Variants in PDGFRB observed in about 807,000 individuals in gnomAD.
PDGFRB encodes platelet-derived growth factor receptor beta.
PDGFRB carries 42 observed loss-of-function variants against 120.2 expected under a neutral mutation model. The observed-to-expected ratio is 0.35, with a 90% CI of 0.27 to 0.45. The LOEUF (loss-of-function observed/expected upper bound fraction) is 0.45, where lower values mean the gene tolerates loss of function less well. PDGFRB is among the 20% of genes least tolerant of loss of function. The pLI is 1.00. For missense variants in PDGFRB, 1,149 were observed against 1,476.3 expected (o/e 0.78, Z 3.63); for synonymous variants, 586 against 606.8 (o/e 0.97, Z 0.50).
At chr5:150,142,190 G>C (rs1192710731) in intron 1 of PDGFRB, among the ~76,000 whole-genome samples, 1 of 152,126 alleles carries the variant, frequency 6.6e-6, no homozygotes, top group East Asian at 1.9e-4. Context: ...AAAGCAAGAG[G>C]GCCCATTGTT....
intron 2 of PDGFRB, 90 bp downstream of exon 2, chr5:150,136,918 G>GCCCTGCCACCAGCACACATCAC (rs1287662400): frequency 1.4e-5 from 14 of 1,002,188 alleles, no homozygotes; most frequent in Non-Finnish European, 2.2e-5. Context: ...GGTGCTTCAC[G>GCCCTGCCACCAGCACACATCAC]CCCTGCCACC....
In PDGFRB at chr5:150,132,106, GA is replaced by G; in HGVS notation, c.1128-13del. ...GCTCTGACACATACCTGGGGAGCAG[GA>G]AAGGCAGCTGTCAGAGTCGGAAGGA... On this transcript the variant is annotated splice_polypyrimidine_tract_variant and intron_variant, in intron 7 of 22. Transcript: ENST00000261799. This position sits in a 1 kb window ranked among gnomAD's most constrained non-coding sequence, Gnocchi z 5.0. 6.9e-7 allele frequency: 1 copy of G among 1,447,722 alleles called. No homozygotes were observed. The highest frequency in any genetic ancestry group is 9.7e-7 in the Non-Finnish European group (1 of 1,028,650). The allele number at this position is 1,447,722 out of a possible 1,614,324, so 89.7% of individuals were successfully genotyped here.
At chr5:150,117,556 A>C in intron 22 of PDGFRB, 62 bp downstream of exon 22, 3 of 891,222 alleles carry the variant, frequency 3.4e-6, no homozygotes, top group Non-Finnish European at 5.4e-6. Flanking sequence ...ACACACACAC[A>C]CACACACACA....
At position 150,125,259 on chromosome 5, in the gene PDGFRB, T is replaced by C. The variant is rs3733677; in HGVS notation, c.1807+186A>G. On this transcript the variant is annotated intron_variant, in intron 12 of 22. Transcript: ENST00000261799. ...GGGTCACAGGATCATAGAACCTCAA[T>C]GCTAGGCAGTTCCTGGGGGATGGTC... 0.029 allele frequency among the ~76,000 whole-genome samples: 4,338 copies of C among 152,190 alleles called. 190 individuals are homozygous for C. The highest frequency in any genetic ancestry group is 0.21 in the East Asian group (1,090 of 5,156).
At chr5:150,124,191 G>T in intron 14 of PDGFRB, 59 bp downstream of exon 14, 1 of 1,170,230 alleles carries the variant, frequency 8.5e-7, no homozygotes, top group Non-Finnish European at 1.3e-6. Flanking sequence ...GGGGTAGGCG[G>T]GGCCTGGCCT....
chr5:150,127,495 G>C (rs988275462), intron 10 of PDGFRB, among the ~76,000 whole-genome samples: 1 of 152,134 alleles, frequency 6.6e-6, no homozygotes, highest in Non-Finnish European at 1.5e-5. Context: ...TAGGTAGCTG[G>C]TACTATTTGT....
intron 9 of PDGFRB, 34 bp downstream of exon 9, chr5:150,130,505 G>A (rs1760432749): frequency 2.5e-6 from 4 of 1,603,122 alleles, no homozygotes; most frequent in Non-Finnish European, 1.7e-6. Flanking sequence ...AGCCAGCTGG[G>A]GACACTGGGA....
rs367736795 is a variant in PDGFRB, at chr5:150,143,828, TGGA to T, written c.-6-6778_-6-6776del. ...CTATGCTCGCTCCACTTCCAGTTGT[TGGA>T]GAAGGCTCAGTGCTCCACCCCTGCA... On this transcript the variant is annotated intron_variant, in intron 1 of 22. Transcript: ENST00000261799. Among the ~76,000 whole-genome samples the T allele has an allele frequency of 5.7e-3, 871 of 152,148 alleles. 4 individuals are homozygous for T. Among genetic ancestry groups the T allele is most frequent in the African/African-American group, 0.02 (829 of 41,514 alleles).
intron 10 of PDGFRB, among the ~76,000 whole-genome samples, chr5:150,127,610 C>T (rs370103017): frequency 4.6e-5 from 7 of 151,948 alleles, no homozygotes; most frequent in South Asian, 4.2e-4. Flanking sequence ...CCAAGGTGGG[C>T]GGATCACGAG....
intron 11 of PDGFRB, among the ~76,000 whole-genome samples, 177 bp from the exon 12 acceptor site, chr5:150,125,754 G>A (rs1452771896): frequency 6.6e-6 from 1 of 152,210 alleles, no homozygotes; most frequent in Non-Finnish European, 1.5e-5. Flanking sequence ...TGGGCTCGGA[G>A]GGAACAGGGA....
At position 150,135,142 on chromosome 5, in the gene PDGFRB, C is replaced by T. The variant is rs1286999770; in HGVS notation, c.365-126G>A. ...TCCCCGTTACAGAATAGGGATGCTC[C>T]CAGAAGAGCATAAATCAAATGTTAG... On this transcript the variant is annotated intron_variant, in intron 3 of 22. Coordinates refer to ENST00000261799, the MANE Select transcript of PDGFRB (RefSeq NM_002609.4). 3 of 614,096 alleles carry T rather than the reference C, an allele frequency of 4.9e-6. No homozygotes were observed. The East Asian group carries it at 8.2e-5, about 17-fold the overall frequency. 38.0% of individuals were successfully genotyped at this position (614,096 alleles called of 1,614,324 possible).
Position 150,135,789 on chromosome 5 carries a change from G to A in PDGFRB, c.130C>T (p.Leu44Phe), listed in dbSNP as rs1239434481. Residue 44 changes from leucine to phenylalanine, a missense_variant, in exon 3 of 23, where the codon CTC becomes TTC. By Grantham distance (22) the Leu-to-Phe change is conservative (BLOSUM62 0). Coordinates refer to ENST00000261799, the MANE Select transcript of PDGFRB (RefSeq NM_002609.4). ...VVTPPGPELV[L>F]NVSSTFVLTC... Reference sequence around the variant, plus strand: ...AGAACGAAGGTGCTGGAGACATTGAGGACAAGCTCTGGCCCCGGGGGTGTG... The same window carrying A: ...AGAACGAAGGTGCTGGAGACATTGAAGACAAGCTCTGGCCCCGGGGGTGTG... 1.2e-6 allele frequency: 2 copies of A among 1,606,908 alleles called. No homozygotes were observed. Among genetic ancestry groups the A allele is most frequent in the African/African-American group, 2.7e-5 (2 of 74,758 alleles).
Position 150,120,749 on chromosome 5 carries a change from C to T in PDGFRB, c.2586+139G>A. On this transcript the variant is annotated intron_variant, in intron 18 of 22. Coordinates refer to ENST00000261799, the MANE Select transcript of PDGFRB (RefSeq NM_002609.4). The surrounding 1 kb of genome is among the most constrained non-coding windows in gnomAD (Gnocchi z 4.3). ...GCACACATAGCTGGGCAGGCACAGC[C>T]CATCACTGCTGTCAGGGCAGGCCAC... 2 of 791,008 alleles carry T rather than the reference C, an allele frequency of 2.5e-6. No homozygotes were observed. Among genetic ancestry groups the T allele is most frequent in the Non-Finnish European group, 4.1e-6 (2 of 487,736 alleles). The allele number at this position is 791,008 out of a possible 1,614,324, so 49.0% of individuals were successfully genotyped here. A position where few individuals can be genotyped will look rare whatever the true frequency, so the allele number is the denominator to read the frequency against.
chr5:150,119,864 C>T (rs967944270), intron 19 of PDGFRB, 148 bp downstream of exon 19: 1 of 645,612 alleles, frequency 1.5e-6, no homozygotes, highest in African/African-American at 1.8e-5. Flanking sequence ...GCTAACATCA[C>T]ACAGCAGGGA....
chr5:150,124,756 G>A lies in PDGFRB; in HGVS notation c.1883C>T (p.Thr628Met), dbSNP rs1250625415. ...AAGCATCTTGACGGCCACTTTCATC[G>A]TGGCCTGAGAATGGCTCAGGCCATG... Reference protein sequence around the residue: ...TAHGLSHSQATMKVAVKMLKS... With the variant: ...TAHGLSHSQAMMKVAVKMLKS... The change falls in exon 13 of 23, where the codon ACG (threonine) becomes ATG (methionine). Residue 628 changes from threonine (T) to methionine (M), a missense_variant. Transcript: ENST00000261799. The A allele has an allele frequency of 5.6e-6, 9 of 1,596,726 alleles. No homozygotes were observed. The highest frequency in any genetic ancestry group is 2.2e-5 in the South Asian group (2 of 90,564).
At chr5:150,127,874 C>G (rs1760344482) in intron 10 of PDGFRB, among the ~76,000 whole-genome samples, 1 of 149,200 alleles carries the variant, frequency 6.7e-6, no homozygotes, top group South Asian at 2.1e-4. Context: ...GGATGCTTCC[C>G]CATGTTATCA....
chr5:150,140,147 G>T (rs1302756754), intron 1 of PDGFRB, among the ~76,000 whole-genome samples: 2 of 152,066 alleles, frequency 1.3e-5, no homozygotes, highest in Non-Finnish European at 2.9e-5. Context: ...GACTTCCCAG[G>T]CCATCCTGGA....
intron 10 of PDGFRB, among the ~76,000 whole-genome samples, chr5:150,129,252 C>A (rs1296400713): frequency 2.6e-5 from 4 of 152,208 alleles, no homozygotes; most frequent in Non-Finnish European, 5.9e-5. Flanking sequence ...TACAGACATA[C>A]ACTGTGGGGT....
chr5:150,121,815 G>T lies in PDGFRB; in HGVS notation c.2344+65C>A. ...CCCTTCTTCTCAGGGTTTTTGGCAA[G>T]GCTGGGCATGTGAAGAGCATCAGCC... On this transcript the variant is annotated intron_variant, in intron 16 of 22. Transcript: ENST00000261799. This position sits in a 1 kb window ranked among gnomAD's most constrained non-coding sequence, Gnocchi z 4.1. The T allele has an allele frequency of 1.6e-6, 2 of 1,282,998 alleles. No homozygotes were observed. The highest frequency in any genetic ancestry group is 2.2e-6 in the Non-Finnish European group (2 of 891,172). 79.5% of individuals were successfully genotyped at this position (1,282,998 alleles called of 1,614,324 possible).
Sources: gnomAD v4.1 joint callset for allele counts (sites outside exome capture counted in the v4.1 genomes callset) on GRCh38, gnomAD v4.1.1 for gene constraint, Gnocchi (gnomAD v3.1) non-coding constraint, MANE v1.5 for transcripts, NCBI Gene and HGNC (gene_info 2026-07-23, HGNC 2026-07-21) for gene names.